PMP2: variants seen among roughly 807,000 people sequenced by gnomAD.
PMP2 encodes the protein peripheral myelin protein 2.
In PMP2, 11 loss-of-function variants were observed where a neutral mutation model predicts 15.9. That is an observed-to-expected ratio of 0.69 (90% confidence interval 0.44 to 1.14). The LOEUF is 1.14. Among genes scored for constraint, PMP2 ranks in the 50% most tolerant of loss-of-function variants. The pLI is 0.00. For synonymous variants in PMP2, 55 were observed against 54.1 expected (o/e 1.02, Z -0.07); for missense variants, 151 against 154.0 (o/e 0.98, Z 0.10).
In PMP2 at chr8:81,444,541, T is replaced by C; in HGVS notation, c.307A>G (p.Thr103Ala). The change falls in exon 3 of 4, where the codon ACA becomes GCA. Residue 103 changes from threonine to alanine, a missense_variant. Transcript: ENST00000256103. ...NQVQRWDGKE[T>A]TIKRKLVNGK... ...TTCACTAGCTTTCTCTTTATGGTTG[T>C]CTCTTTGCCATCCCATCTCTGCACT... 6.2e-7 allele frequency: 1 copy of C among 1,614,038 alleles called. No homozygotes were observed. Among genetic ancestry groups the C allele is most frequent in the Non-Finnish European group, 8.5e-7 (1 of 1,179,902 alleles).
In PMP2 at chr8:81,445,006, T is replaced by C. The variant is rs756901313; in HGVS notation, c.74-17A>G. ...ACCCCACACCTGAAAATTAAGATAG[T>C]GTTAGAATTATGTTGACCAAGAGAG... On this transcript the variant is annotated splice_polypyrimidine_tract_variant and intron_variant, in intron 1 of 3. Transcript: ENST00000256103. 2 of 1,608,726 alleles carry C rather than the reference T, an allele frequency of 1.2e-6. No individual in the cohort carries two copies. Among genetic ancestry groups the C allele is most frequent in the Non-Finnish European group, 8.5e-7 (1 of 1,177,550 alleles).
intron 3 of PMP2, 51 bp from the exon 4 acceptor site, chr8:81,443,499 A>G (rs1226956754): frequency 8.8e-7 from 1 of 1,135,358 alleles, no homozygotes; most frequent in African/African-American, 1.6e-5. Context: ...ACCAGAGAAC[A>G]GAAAATTTGT....
chr8:81,446,713 C>T (rs1043686118), intron 1 of PMP2, among the ~76,000 whole-genome samples: 1 of 152,280 alleles, frequency 6.6e-6, no homozygotes, highest in East Asian at 1.9e-4. Flanking sequence ...CTGATGTTAG[C>T]GAAATTGAGT....
rs185855709 is a variant in PMP2, at chr8:81,442,654, G to A, written c.*744C>T. On this transcript the variant is annotated 3_prime_UTR_variant, in exon 4 of 4. Coordinates refer to ENST00000256103, the MANE Select transcript of PMP2 (RefSeq NM_002677.5). The stretch of plus-strand genomic sequence containing the variant: ...ATGTACAATTCCCTTCATATGAGCA[G>A]GTAAAATTAATCTATATGATAGAAA... The A allele has an allele frequency of 1.3e-5, 2 of 152,214 alleles. No homozygotes were observed. The highest frequency in any genetic ancestry group is 1.9e-4 in the East Asian group (1 of 5,182). The allele number at this position is 152,214 out of a possible 1,614,324, so 9.4% of individuals were successfully genotyped here.
At chr8:81,447,181 A>C in intron 1 of PMP2, 133 bp downstream of exon 1, 1 of 615,260 alleles carries the variant, frequency 1.6e-6, no homozygotes, top group Admixed American at 2.6e-5. Context: ...ACAACAAAAG[A>C]TTAATCCTAA....
At chr8:81,445,959 C>T (rs754676910) in intron 1 of PMP2, among the ~76,000 whole-genome samples, 1 of 151,868 alleles carries the variant, frequency 6.6e-6, no homozygotes, top group Non-Finnish European at 1.5e-5. Flanking sequence ...AAGTTTATTA[C>T]CATTATTACC....
chr8:81,444,901 A>G lies in PMP2; in HGVS notation c.162T>C (p.Thr54=). ...TTTCTGTATTTTTAAAGGTACTTTC[A>G]GTTCGTATAGTTATAATATCTCCTT... ...SKKGDIITIR[T]ESTFKNTEIS... Residue 54 remains threonine (T), a synonymous_variant, in exon 2 of 4, where the codon ACT becomes ACC. Transcript: ENST00000256103. 6.2e-7 allele frequency: 1 copy of G among 1,613,658 alleles called. No individual in the cohort carries two copies. Among genetic ancestry groups the G allele is most frequent in the South Asian group, 1.1e-5 (1 of 91,076 alleles).
In PMP2 at chr8:81,442,183, C is replaced by T. The variant is rs1463206747; in HGVS notation, c.*1215G>A. On this transcript the variant is annotated 3_prime_UTR_variant, in exon 4 of 4. Coordinates refer to ENST00000256103, the MANE Select transcript of PMP2 (RefSeq NM_002677.5). Reference sequence around the variant, plus strand: ...TTTCCACATGGTTCTTTCTTGCCTTCCCTCATTTCATATTTGTATATTTGT... The same window carrying T: ...TTTCCACATGGTTCTTTCTTGCCTTTCCTCATTTCATATTTGTATATTTGT... The T allele has an allele frequency of 2.0e-5, 3 of 152,164 alleles. No homozygotes were observed. Among genetic ancestry groups the T allele is most frequent in the Admixed American group, 6.6e-5 (1 of 15,262 alleles). 9.4% of individuals were successfully genotyped at this position (152,164 alleles called of 1,614,324 possible). A position where few individuals can be genotyped will look rare whatever the true frequency, so the allele number is the denominator to read the frequency against.
chr8:81,440,532 G>A lies in PMP2; in HGVS notation c.*2866C>T, dbSNP rs1807307374. 6.6e-6 allele frequency: 1 copy of A among 152,062 alleles called. No homozygotes were observed. The highest frequency in any genetic ancestry group is 6.5e-5 in the Admixed American group (1 of 15,274). The allele number at this position is 152,062 out of a possible 1,614,324, so 9.4% of individuals were successfully genotyped here. A position where few individuals can be genotyped will look rare whatever the true frequency, so the allele number is the denominator to read the frequency against. Reference sequence around the variant, plus strand: ...ATTTCTAGGCTGAAAAAGAGAAGAAGTTGCCAAGTGCGGGGTTTTTTTTCA... The same window carrying A: ...ATTTCTAGGCTGAAAAAGAGAAGAAATTGCCAAGTGCGGGGTTTTTTTTCA... On this transcript the variant is annotated 3_prime_UTR_variant, in exon 4 of 4. Coordinates refer to ENST00000256103, the MANE Select transcript of PMP2 (RefSeq NM_002677.5).
intron 3 of PMP2, among the ~76,000 whole-genome samples, chr8:81,443,901 G>A (rs1807398744): frequency 2.0e-5 from 3 of 152,040 alleles, no homozygotes; most frequent in Non-Finnish European, 2.9e-5. Context: ...AGAAACATTC[G>A]GAAGAGTACA....
chr8:81,443,574 G>A, intron 3 of PMP2, 126 bp from the exon 4 acceptor site: 1 of 561,226 alleles, frequency 1.8e-6, no homozygotes, highest in Non-Finnish European at 3.1e-6. Context: ...ATATCAGTAT[G>A]TCAGTCTCCA....
rs555325753 is a variant in PMP2 at position 81,444,656 on chromosome 8, C to T, written c.247-55G>A. On this transcript the variant is annotated intron_variant, in intron 2 of 3. Coordinates refer to ENST00000256103, the MANE Select transcript of PMP2 (RefSeq NM_002677.5). ...GCCTGAAATTTGTTGATCAAAGAAG[C>T]AGTTCTTTCAGTATGGAACCATTTT... The T allele has an allele frequency of 1.1e-4, 155 of 1,465,968 alleles. No individual in the cohort carries two copies. The African/African-American group carries it at 1.9e-3, about 18-fold the overall frequency. The allele number at this position is 1,465,968 out of a possible 1,614,324, so 90.8% of individuals were successfully genotyped here. A position where few individuals can be genotyped will look rare whatever the true frequency, so the allele number is the denominator to read the frequency against.
In PMP2 at chr8:81,444,920, T is replaced by C; in HGVS notation, c.143A>G (p.Asp48Gly). The C allele has an allele frequency of 6.2e-7, 1 of 1,613,872 alleles. No individual in the cohort carries two copies. Reference protein sequence around the residue: ...KPTVIISKKGDIITIRTESTF... With the variant: ...KPTVIISKKGGIITIRTESTF... Reference sequence around the variant, plus strand: ...ACTTTCAGTTCGTATAGTTATAATATCTCCTTTCTTGCTGATGATCACAGT... The same window carrying C: ...ACTTTCAGTTCGTATAGTTATAATACCTCCTTTCTTGCTGATGATCACAGT... Residue 48 changes from aspartate (D) to glycine (G), a missense_variant, in exon 2 of 4, where the codon GAT becomes GGT. Coordinates refer to ENST00000256103, the MANE Select transcript of PMP2 (RefSeq NM_002677.5).
In PMP2 at chr8:81,441,427, G is replaced by T. The variant is rs1299165968; in HGVS notation, c.*1971C>A. 1.3e-5 allele frequency: 2 copies of T among 152,056 alleles called. No homozygotes were observed. The highest frequency in any genetic ancestry group is 4.8e-5 in the African/African-American group (2 of 41,408). 9.4% of individuals were successfully genotyped at this position (152,056 alleles called of 1,614,324 possible). A position where few individuals can be genotyped will look rare whatever the true frequency, so the allele number is the denominator to read the frequency against. On this transcript the variant is annotated 3_prime_UTR_variant, in exon 4 of 4. Coordinates refer to ENST00000256103, the MANE Select transcript of PMP2 (RefSeq NM_002677.5). ...CTGAGCCATATTTACTGTGATGGTTGAAAAATGATGGTTTTCCAATTCCAG... is the reference window on the plus strand; with the variant it reads ...CTGAGCCATATTTACTGTGATGGTTTAAAAATGATGGTTTTCCAATTCCAG...
chr8:81,447,392 T>C lies in PMP2; in HGVS notation c.-6A>G, dbSNP rs771166582. 6 of 1,611,674 alleles carry C rather than the reference T, an allele frequency of 3.7e-6. No individual in the cohort carries two copies. The highest frequency in any genetic ancestry group is 3.4e-6 in the Non-Finnish European group (4 of 1,177,758). On this transcript the variant is annotated 5_prime_UTR_variant, in exon 1 of 4. Transcript: ENST00000256103. The stretch of plus-strand genomic sequence containing the variant: ...CCCAGGAATTTGTTGCTCATCGTGA[T>C]GGGTGAGAGCTCAACACAGTTCTAA...
Position 81,441,352 on chromosome 8 carries a change from C to T in PMP2, c.*2046G>A, listed in dbSNP as rs1341670913. 2.6e-5 allele frequency: 4 copies of T among 152,130 alleles called. No individual in the cohort carries two copies. The highest frequency in any genetic ancestry group is 7.2e-5 in the African/African-American group (3 of 41,432). The allele number at this position is 152,130 out of a possible 1,614,324, so 9.4% of individuals were successfully genotyped here. On this transcript the variant is annotated 3_prime_UTR_variant, in exon 4 of 4. Transcript: ENST00000256103. ...CCCAGACTAATACCCTAATATCCTG[C>T]TCCTAAGCGAAATTTCCCCCTAGCT...
Position 81,444,505 on chromosome 8 carries a change from C to T in PMP2, c.343G>A (p.Val115Ile), listed in dbSNP as rs1309344783. The T allele has an allele frequency of 1.2e-6, 2 of 1,600,224 alleles. No homozygotes were observed. Among genetic ancestry groups the T allele is most frequent in the African/African-American group, 2.7e-5 (2 of 74,642 alleles). Reference sequence around the variant, plus strand: ...AGAAGTAAAGATACTCTTACCGCTACCATTTTCCCATTCACTAGCTTTCTC... The same window carrying T: ...AGAAGTAAAGATACTCTTACCGCTATCATTTTCCCATTCACTAGCTTTCTC... ...IKRKLVNGKM[V>I]AECKMKGVVC... Residue 115 changes from valine to isoleucine, a missense_variant, in exon 3 of 4, where the codon GTA (valine) becomes ATA (isoleucine). Transcript: ENST00000256103.
In PMP2 at chr8:81,443,459, A is replaced by G; in HGVS notation, c.349-11T>C. On this transcript the variant is annotated splice_polypyrimidine_tract_variant and intron_variant, in intron 3 of 3. Transcript: ENST00000256103. ...CTTCATTTTACATTCCTTAAAAAAG[A>G]GAGAGGTTAATTGAGTATCTCAAGT... 2 of 1,583,684 alleles carry G rather than the reference A, an allele frequency of 1.3e-6. No individual in the cohort carries two copies. The highest frequency in any genetic ancestry group is 1.7e-6 in the Non-Finnish European group (2 of 1,158,950).
chr8:81,443,683 A>G (rs1363036421), intron 3 of PMP2, among the ~76,000 whole-genome samples: 1 of 152,182 alleles, frequency 6.6e-6, no homozygotes, highest in South Asian at 2.1e-4. Context: ...TTTTATGTAT[A>G]GTTCACTTGC....
Sources: gnomAD v4.1 joint callset for allele counts (sites outside exome capture counted in the v4.1 genomes callset) on GRCh38, gnomAD v4.1.1 for gene constraint, MANE v1.5 for transcripts, NCBI Gene and HGNC (gene_info 2026-07-23, HGNC 2026-07-21) for gene names.